SDK2: variants seen among roughly 807,000 people sequenced by gnomAD.
The protein encoded by SDK2 is protein sidekick-2.
In SDK2, 105 loss-of-function variants were observed where a neutral mutation model predicts 253.9. The observed-to-expected ratio is 0.41, with a 90% CI of 0.35 to 0.49. The LOEUF is 0.49. SDK2 is among the 20% of genes least tolerant of loss of function. The probability of loss-of-function intolerance (pLI) is 0.06; values close to 1 mark genes in which losing one functional copy is unlikely to be tolerated. For synonymous variants in SDK2, 1,249 were observed against 1,234.9 expected (o/e 1.01, Z -0.24); for missense variants, 2,608 against 3,003.0 (o/e 0.87, Z 3.07).
At chr17:73,404,779 G>A (rs567682511) in intron 18 of SDK2, among the ~76,000 whole-genome samples, 41 of 152,292 alleles carry the variant, frequency 2.7e-4, no homozygotes, top group African/African-American at 9.9e-4. Context: ...CCCTGAGAAG[G>A]CTCGGGTGTG....
At chr17:73,422,524 A>C in intron 14 of SDK2, 90 bp from the exon 15 acceptor site, 1 of 1,455,470 alleles carries the variant, frequency 6.9e-7, no homozygotes, top group East Asian at 2.3e-5. Flanking sequence ...GTCCAGCTTC[A>C]CTGGGGCTGG....
chr17:73,423,894 G>A (rs762516737), intron 13 of SDK2, 22 bp downstream of exon 13: 3 of 1,532,208 alleles, frequency 2.0e-6, no homozygotes, highest in South Asian at 2.4e-5. Context: ...CCTCTGCCGG[G>A]GTCTGGGAGG....
rs567223819 is a variant in SDK2, at chr17:73,455,441, G to A, written c.479+465C>T. On this transcript the variant is annotated intron_variant, in intron 4 of 44. Transcript: ENST00000392650. The surrounding 1 kb of genome is among the most constrained non-coding windows in gnomAD (Gnocchi z 5.0). ...CCAGGGCTTCCCTGGCCACACCTCC[G>A]CCGCACAGCCAAGACACACACAGCC... Among the ~76,000 whole-genome samples, 188 of 152,026 alleles carry A rather than the reference G, an allele frequency of 1.2e-3. No individual in the cohort carries two copies. Among genetic ancestry groups the A allele is most frequent in the African/African-American group, 4.1e-3 (169 of 41,448 alleles).
At chr17:73,354,956 G>A (rs938790644) in intron 40 of SDK2, among the ~76,000 whole-genome samples, 16 of 151,398 alleles carry the variant, frequency 1.1e-4, no homozygotes, top group Non-Finnish European at 2.1e-4. Context: ...TCGACACCCT[G>A]GCGTCCTGTC....
At chr17:73,401,541 TG>T in intron 20 of SDK2, 112 bp downstream of exon 20, 1 of 993,294 alleles carries the variant, frequency 1.0e-6, no homozygotes, top group Non-Finnish European at 1.6e-6. Flanking sequence ...TAAGAAAGCA[TG>T]GGTTGGCTTC....
intron 1 of SDK2, among the ~76,000 whole-genome samples, chr17:73,531,473 C>T (rs904610190): frequency 1.3e-5 from 2 of 152,142 alleles, no homozygotes; most frequent in African/African-American, 4.8e-5. Flanking sequence ...AACACGGCGT[C>T]TGGTCCACCG....
At chr17:73,524,386 T>G (rs2064108689) in intron 1 of SDK2, among the ~76,000 whole-genome samples, 1 of 152,136 alleles carries the variant, frequency 6.6e-6, no homozygotes, top group South Asian at 2.1e-4. Flanking sequence ...TTCTGTTGCC[T>G]CCCCTCTTTC....
rs770032791 is a variant in SDK2, at chr17:73,355,174, A to AT, written c.5594-2538dup. On this transcript the variant is annotated intron_variant, in intron 40 of 44. Coordinates refer to ENST00000392650, the MANE Select transcript of SDK2 (RefSeq NM_001144952.2). ...CCTACACCTCCATATATATATATAT[A>AT]TTTTTTTTTTTTTTTTTTTTTAGAC... Among the ~76,000 whole-genome samples the AT allele has an allele frequency of 1.1e-3, 53 of 47,102 alleles. 1 individual carries two copies. Among genetic ancestry groups the AT allele is most frequent in the African/African-American group, 1.6e-3 (10 of 6,146 alleles). 30.9% of individuals were successfully genotyped at this position (47,102 alleles called of 152,430 possible). A position where few individuals can be genotyped will look rare whatever the true frequency, so the allele number is the denominator to read the frequency against.
intron 1 of SDK2, among the ~76,000 whole-genome samples, chr17:73,615,353 G>A (rs549588954): frequency 6.6e-5 from 10 of 152,310 alleles, no homozygotes; most frequent in South Asian, 4.2e-4. Flanking sequence ...ATGTCCCAAC[G>A]AAGTATGAGT....
At chr17:73,364,850 T>A (rs933976842) in intron 38 of SDK2, among the ~76,000 whole-genome samples, 1 of 152,086 alleles carries the variant, frequency 6.6e-6, no homozygotes, top group African/African-American at 2.4e-5. Flanking sequence ...TTGGAACTCC[T>A]GACCTCAGGT....
chr17:73,469,815 C>G (rs2063631239), intron 3 of SDK2, among the ~76,000 whole-genome samples: 1 of 152,132 alleles, frequency 6.6e-6, no homozygotes, highest in African/African-American at 2.4e-5. Flanking sequence ...CTTCCTTTCT[C>G]TTTTTGATTG....
intron 36 of SDK2, among the ~76,000 whole-genome samples, chr17:73,372,244 A>G (rs2062739995): frequency 6.6e-6 from 1 of 152,170 alleles, no homozygotes; most frequent in Non-Finnish European, 1.5e-5. Context: ...CACGCGTGCA[A>G]AGGACATAAA....
chr17:73,390,238 C>T (rs777773613), intron 29 of SDK2, 49 bp downstream of exon 29: 4 of 1,444,664 alleles, frequency 2.8e-6, no homozygotes, highest in Admixed American at 4.7e-5. Flanking sequence ...CACTGGCTGG[C>T]CCCCCCTCAG....
chr17:73,598,005 G>C (rs1567864295), intron 1 of SDK2, among the ~76,000 whole-genome samples: 1 of 152,166 alleles, frequency 6.6e-6, no homozygotes, highest in Non-Finnish European at 1.5e-5. Flanking sequence ...CTACAGATGG[G>C]AAGAGTGACG....
At position 73,377,072 on chromosome 17, in the gene SDK2, C is replaced by CCTGTGGGATGAGGTGCCTTGTG. The variant is rs1568371968; in HGVS notation, c.4980+2104_4980+2105insCACAAGGCACCTCATCCCACAG. 2.6e-5 allele frequency among the ~76,000 whole-genome samples: 4 copies of CCTGTGGGATGAGGTGCCTTGTG among 152,284 alleles called. No individual in the cohort carries two copies. The East Asian group carries it at 7.7e-4, about 29-fold the overall frequency. ...TGCCTTGCGTCTCTCCTACTCCCCA[C>CCTGTGGGATGAGGTGCCTTGTG]TTAAGCCATGGCACTGGGGCTCTTC... On this transcript the variant is annotated intron_variant, in intron 36 of 44. Coordinates refer to ENST00000392650, the MANE Select transcript of SDK2 (RefSeq NM_001144952.2).
At position 73,541,052 on chromosome 17, in the gene SDK2, A is replaced by AG. The variant is rs1362416358; in HGVS notation, c.65-33456dup. 6.6e-6 allele frequency among the ~76,000 whole-genome samples: 1 copy of AG among 152,150 alleles called. No homozygotes were observed. Among genetic ancestry groups the AG allele is most frequent in the Non-Finnish European group, 1.5e-5 (1 of 68,032 alleles). On this transcript the variant is annotated intron_variant, in intron 1 of 44. Transcript: ENST00000392650. This position sits in a 1 kb window ranked among gnomAD's most constrained non-coding sequence, Gnocchi z 4.3. Reference sequence around the variant, plus strand: ...ATCAAGCTGCCAATGGTAAGCTGCTAGGCCCCCTGAGAGTAGGTGTCTGCC... The same window carrying AG: ...ATCAAGCTGCCAATGGTAAGCTGCTAGGGCCCCCTGAGAGTAGGTGTCTGCC...
chr17:73,346,228 A>G (rs1201858852), intron 44 of SDK2, among the ~76,000 whole-genome samples: 5 of 151,722 alleles, frequency 3.3e-5, no homozygotes, highest in African/African-American at 9.7e-5. Context: ...AAAAAAAAAG[A>G]AAAAGAAAAC....
At chr17:73,402,289 A>G in intron 18 of SDK2, 148 bp from the exon 19 acceptor site, 1 of 807,246 alleles carries the variant, frequency 1.2e-6, no homozygotes, top group Non-Finnish European at 1.9e-6. Flanking sequence ...CAGGCAGTGC[A>G]GGGAACCTGC....
intron 44 of SDK2, among the ~76,000 whole-genome samples, chr17:73,341,785 A>G (rs937598986): frequency 1.3e-5 from 2 of 152,166 alleles, no homozygotes; most frequent in African/African-American, 4.8e-5. Context: ...CAATGAATAG[A>G]ACTATAATGA....
Sources: gnomAD v4.1 joint callset for allele counts (sites outside exome capture counted in the v4.1 genomes callset) on GRCh38, gnomAD v4.1.1 for gene constraint, Gnocchi (gnomAD v3.1) non-coding constraint, MANE v1.5 for transcripts, NCBI Gene and HGNC (gene_info 2026-07-23, HGNC 2026-07-21) for gene names.